Variants in JAKMIP2 observed in about 807,000 individuals in gnomAD.
JAKMIP2 encodes janus kinase and microtubule-interacting protein 2.
JAKMIP2 carries 25 observed loss-of-function variants against 115.0 expected under a neutral mutation model. The ratio of observed to expected loss-of-function variants is 0.22; its 90% confidence interval spans 0.16 to 0.30. The LOEUF is 0.30. JAKMIP2 is among the 10% of genes least tolerant of loss of function. The probability of loss-of-function intolerance (pLI) is 1.00; values close to 1 mark genes in which losing one functional copy is unlikely to be tolerated. For synonymous variants in JAKMIP2, 334 were observed against 343.6 expected, an observed-to-expected ratio of 0.97 and a Z score of 0.31; for missense variants, 642 against 957.6, an observed-to-expected ratio of 0.67 and a Z score of 4.35.
chr5:147,747,316 A>G (rs1754382709), intron 1 of JAKMIP2, among the ~76,000 whole-genome samples: 1 of 152,170 alleles, frequency 6.6e-6, no homozygotes, highest in Non-Finnish European at 1.5e-5. Context: ...CATCCCTACA[A>G]GAAAAATGCT....
intron 19 of JAKMIP2, among the ~76,000 whole-genome samples, chr5:147,617,373 AG>A (rs572709445): frequency 1.3e-5 from 2 of 152,154 alleles, no homozygotes; most frequent in Admixed American, 1.3e-4. Context: ...CTTACCTCAT[AG>A]GGCTATTATG....
chr5:147,679,123 G>A (rs1434211597), intron 1 of JAKMIP2, among the ~76,000 whole-genome samples: 3 of 152,042 alleles, frequency 2.0e-5, no homozygotes, highest in African/African-American at 7.2e-5. Flanking sequence ...TGGCATCACA[G>A]GCATGCACCA....
intron 2 of JAKMIP2, among the ~76,000 whole-genome samples, chr5:147,667,490 C>T (rs568716050): frequency 3.9e-5 from 6 of 152,220 alleles, no homozygotes; most frequent in African/African-American, 1.4e-4. Context: ...TTGGACAGCT[C>T]AGTCAAAGGT....
At chr5:147,600,524 C>G (rs1355220792) in intron 21 of JAKMIP2, among the ~76,000 whole-genome samples, 2 of 152,090 alleles carry the variant, frequency 1.3e-5, no homozygotes, top group Non-Finnish European at 2.9e-5. Context: ...AGATCTCAGG[C>G]TAATATAATT....
intron 12 of JAKMIP2, among the ~76,000 whole-genome samples, chr5:147,634,540 G>A (rs80071099): frequency 0.066 from 10,039 of 152,178 alleles, 455 homozygotes; most frequent in Middle Eastern, 0.11. Flanking sequence ...TGAATCAATG[G>A]TGGAATATTT....
chr5:147,778,595 T>C (rs1755650245), intron 1 of JAKMIP2, among the ~76,000 whole-genome samples: 2 of 152,178 alleles, frequency 1.3e-5, no homozygotes, highest in South Asian at 4.1e-4. Context: ...TGAATCTGTT[T>C]CCACTTATTT....
intron 2 of JAKMIP2, among the ~76,000 whole-genome samples, chr5:147,663,017 G>C (rs1759109949): frequency 6.6e-6 from 1 of 151,922 alleles, no homozygotes; most frequent in African/African-American, 2.4e-5. Flanking sequence ...AAGAGAAAAG[G>C]AAGAAAATTG....
At chr5:147,781,910 T>C (rs1755771735) in intron 1 of JAKMIP2, among the ~76,000 whole-genome samples, 1 of 152,168 alleles carries the variant, frequency 6.6e-6, no homozygotes, top group African/African-American at 2.4e-5. Flanking sequence ...AATCTACGTA[T>C]AAAATAAAAC....
chr5:147,634,270 A>G (rs1385626468), intron 12 of JAKMIP2, among the ~76,000 whole-genome samples: 3 of 152,192 alleles, frequency 2.0e-5, no homozygotes, highest in Non-Finnish European at 2.9e-5. Flanking sequence ...CCTTTAGCCC[A>G]AAAAGATTAA....
intron 2 of JAKMIP2, among the ~76,000 whole-genome samples, chr5:147,670,142 C>T (rs1287790880): frequency 6.6e-6 from 1 of 152,176 alleles, no homozygotes; most frequent in African/African-American, 2.4e-5. Context: ...TCTTCACAAA[C>T]TTTACATTAC....
At chr5:147,613,622 T>C (rs1407408650) in intron 19 of JAKMIP2, among the ~76,000 whole-genome samples, 1 of 152,194 alleles carries the variant, frequency 6.6e-6, no homozygotes, top group African/African-American at 2.4e-5. Flanking sequence ...TGTCTTGACA[T>C]TTTTGTACTG....
At chr5:147,760,852 G>A (rs1332078016) in intron 1 of JAKMIP2, among the ~76,000 whole-genome samples, 2 of 152,078 alleles carry the variant, frequency 1.3e-5, no homozygotes, top group Non-Finnish European at 2.9e-5. Flanking sequence ...GCAAATAATT[G>A]CAGGAGGAAA....
At chr5:147,681,499 G>A (rs764739149) in intron 1 of JAKMIP2, among the ~76,000 whole-genome samples, 4 of 152,046 alleles carry the variant, frequency 2.6e-5, no homozygotes, top group Non-Finnish European at 5.9e-5. Flanking sequence ...TCCTTCATCC[G>A]GGTTTTCATT....
chr5:147,713,662 G>A (rs1263010158), intron 1 of JAKMIP2, among the ~76,000 whole-genome samples: 2 of 152,170 alleles, frequency 1.3e-5, no homozygotes, highest in Non-Finnish European at 2.9e-5. Flanking sequence ...TGAGATCTGA[G>A]GGTAAATAGG....
At chr5:147,614,746 G>A (rs1407464029) in intron 19 of JAKMIP2, among the ~76,000 whole-genome samples, 2 of 152,236 alleles carry the variant, frequency 1.3e-5, no homozygotes, top group Non-Finnish European at 2.9e-5. Flanking sequence ...CCTGTGTGAT[G>A]TGGCCCTTTC....
At chr5:147,754,308 G>GCCAGGATGTGTCCTGGGCC (rs1282276747) in intron 1 of JAKMIP2, among the ~76,000 whole-genome samples, 2 of 152,144 alleles carry the variant, frequency 1.3e-5, no homozygotes, top group African/African-American at 4.8e-5. Flanking sequence ...ACTATTATAT[G>GCCAGGATGTGTCCTGGGCC]CCAGGATGTG....
chr5:147,748,291 C>A (rs570463086), intron 1 of JAKMIP2, among the ~76,000 whole-genome samples: 1 of 152,072 alleles, frequency 6.6e-6, no homozygotes, highest in East Asian at 1.9e-4. Flanking sequence ...ATATATAAAT[C>A]CCACAGAACA....
intron 1 of JAKMIP2, among the ~76,000 whole-genome samples, chr5:147,757,687 G>A (rs79409255): frequency 0.05 from 7,631 of 152,088 alleles, 647 homozygotes; most frequent in African/African-American, 0.17. Context: ...GAGATAATGC[G>A]TGTGGACATT....
chr5:147,661,148 TCCGGGCCTCCTC>T lies in JAKMIP2; in HGVS notation c.415_426del (p.Glu139_Arg142del), dbSNP rs1368184078. On this transcript the variant is annotated inframe_deletion, in exon 3 of 22. Coordinates refer to ENST00000616793, the MANE Select transcript of JAKMIP2 (RefSeq NM_001270941.2). ...TTAAGGCGCTCTGTGTCAAACAGTT[TCCGGGCCTCCTC>T]CCGGGCCTCAATGGTGAGCGCTGTC... 6.2e-7 allele frequency: 1 copy of T among 1,614,088 alleles called. No homozygotes were observed. The highest frequency in any genetic ancestry group is 2.2e-5 in the East Asian group (1 of 44,838).
Sources: allele counts gnomAD v4.1 joint callset (sites outside exome capture counted in the v4.1 genomes callset), GRCh38; gene constraint gnomAD v4.1.1; transcripts MANE v1.5; gene names NCBI Gene and HGNC (gene_info 2026-07-23, HGNC 2026-07-21).